Variants in TNFSF4 observed in about 807,000 individuals in gnomAD.
TNFSF4 encodes the protein tumor necrosis factor ligand superfamily member 4.
Under a neutral mutation model 7.3 loss-of-function variants are expected in TNFSF4, and 4 were observed. That is an observed-to-expected ratio of 0.55 (90% CI 0.27 to 1.25). The LOEUF (loss-of-function observed/expected upper bound fraction) is 1.25. Among genes scored for constraint, TNFSF4 ranks in the 50% most tolerant of loss-of-function variants. The probability of loss-of-function intolerance (pLI) is 0.12; values close to 1 mark genes in which losing one functional copy is unlikely to be tolerated. For synonymous variants in TNFSF4, 76 were observed against 83.7 expected (o/e 0.91, Z 0.50); for missense variants, 181 against 208.8 (o/e 0.87, Z 0.82).
chr1:173,257,567 C>A, the TNFSF4 span, among the ~76,000 whole-genome samples: 55 of 152,288 alleles, frequency 3.6e-4, no homozygotes, highest in African/African-American at 1.2e-3. Flanking sequence ...GCACAATTTG[C>A]AGAACTCACA....
At chr1:173,394,946 A>G in the TNFSF4 span, among the ~76,000 whole-genome samples, 2 of 142,130 alleles carry the variant, frequency 1.4e-5, no homozygotes, top group Admixed American at 6.8e-5. Context: ...AGATAGATAG[A>G]CAGACAGACA....
chr1:173,376,386 C>T, the TNFSF4 span, among the ~76,000 whole-genome samples: 2 of 152,072 alleles, frequency 1.3e-5, no homozygotes, highest in African/African-American at 4.8e-5. Flanking sequence ...GGGAGTTGAA[C>T]AATGAGAACA....
chr1:173,268,549 G>A, the TNFSF4 span, among the ~76,000 whole-genome samples: 1 of 151,992 alleles, frequency 6.6e-6, no homozygotes, highest in African/African-American at 2.4e-5. Flanking sequence ...AATCAAAGAT[G>A]TTATAAATAA....
At chr1:173,236,957 A>G in the TNFSF4 span, among the ~76,000 whole-genome samples, 2 of 152,158 alleles carry the variant, frequency 1.3e-5, no homozygotes, top group African/African-American at 4.8e-5. Flanking sequence ...TTGAATTGTA[A>G]TAATCCCCAC....
At chr1:173,211,486 T>C (rs185258202), upstream of TNFSF4, among the ~76,000 whole-genome samples, 170 of 152,254 alleles carry the variant, frequency 1.1e-3, no homozygotes, top group Non-Finnish European at 2.0e-3. Context: ...CAAACTCTTA[T>C]TACTCCTCAC....
the TNFSF4 span, among the ~76,000 whole-genome samples, chr1:173,437,728 A>C: frequency 6.6e-6 from 1 of 152,006 alleles, no homozygotes; most frequent in African/African-American, 2.4e-5. Flanking sequence ...ATATGTGGTC[A>C]CTCTATTCTG....
At chr1:173,449,205 T>C in the TNFSF4 span, among the ~76,000 whole-genome samples, 1 of 152,214 alleles carries the variant, frequency 6.6e-6, no homozygotes, top group East Asian at 1.9e-4. Context: ...TGGCTTCACC[T>C]GCCATGATTG....
chr1:173,254,825 T>C, the TNFSF4 span, among the ~76,000 whole-genome samples: 3 of 152,164 alleles, frequency 2.0e-5, no homozygotes, highest in African/African-American at 7.2e-5. Flanking sequence ...AAAGAGGAAC[T>C]GCCTGCAACA....
At chr1:173,226,540 C>T in the TNFSF4 span, among the ~76,000 whole-genome samples, 1 of 152,212 alleles carries the variant, frequency 6.6e-6, no homozygotes, top group African/African-American at 2.4e-5. Flanking sequence ...GAGATATAAA[C>T]TTCTTTCATC....
the TNFSF4 span, among the ~76,000 whole-genome samples, chr1:173,370,780 G>A: frequency 6.7e-6 from 1 of 149,452 alleles, no homozygotes; most frequent in Non-Finnish European, 1.5e-5. Context: ...AGTGAGATCA[G>A]AGAAAGGCCC....
chr1:173,395,429 GAGAGAGAAAATTTT>G, the TNFSF4 span, among the ~76,000 whole-genome samples: 1 of 127,272 alleles, frequency 7.9e-6, no homozygotes, highest in Admixed American at 8.1e-5. Context: ...TGGAGAGAGA[GAGAGAGAAAATTTT>G]GGGAAAACTG....
At chr1:173,305,838 G>A in the TNFSF4 span, among the ~76,000 whole-genome samples, 1 of 151,768 alleles carries the variant, frequency 6.6e-6, no homozygotes, top group African/African-American at 2.4e-5. Context: ...TAGCATGGAG[G>A]AAACTGCCTC....
the TNFSF4 span, among the ~76,000 whole-genome samples, chr1:173,349,057 C>A: frequency 1.3e-5 from 2 of 152,062 alleles, no homozygotes; most frequent in Admixed American, 1.3e-4. Flanking sequence ...TAGACGGAGT[C>A]TCCCTCTCTC....
chr1:173,298,712 G>T, the TNFSF4 span, among the ~76,000 whole-genome samples: 1 of 151,860 alleles, frequency 6.6e-6, no homozygotes, highest in African/African-American at 2.4e-5. Context: ...CAAGCATTTT[G>T]TTTGTTACTG....
the TNFSF4 span, among the ~76,000 whole-genome samples, chr1:173,275,311 T>C: frequency 1.3e-5 from 2 of 152,084 alleles, no homozygotes; most frequent in South Asian, 2.1e-4. Context: ...CAAGCAAACC[T>C]GCCCAAACTT....
the TNFSF4 span, among the ~76,000 whole-genome samples, chr1:173,325,018 G>T: frequency 4.6e-5 from 7 of 152,242 alleles, no homozygotes; most frequent in East Asian, 3.9e-4. Context: ...GCGGACCTAA[G>T]AGACATCTAC....
chr1:173,175,446 C>G, the TNFSF4 span: 1 of 152,288 alleles, frequency 6.6e-6, no homozygotes, highest in Non-Finnish European at 1.5e-5. Context: ...TAATAAATCT[C>G]TAGTGTAAAT....
chr1:173,311,945 A>C, the TNFSF4 span, among the ~76,000 whole-genome samples: 3 of 152,264 alleles, frequency 2.0e-5, no homozygotes, highest in South Asian at 6.2e-4. Context: ...GCATCCTTGA[A>C]TTAGCAATGT....
the TNFSF4 span, among the ~76,000 whole-genome samples, chr1:173,368,025 C>T: frequency 6.6e-6 from 1 of 152,152 alleles, no homozygotes; most frequent in African/African-American, 2.4e-5. Flanking sequence ...TAAAATGCAT[C>T]AATCAGTGCT....
Sources: allele counts gnomAD v4.1 joint callset (sites outside exome capture counted in the v4.1 genomes callset), GRCh38; gene constraint gnomAD v4.1.1; transcripts MANE v1.5; gene names NCBI Gene and HGNC (gene_info 2026-07-23, HGNC 2026-07-21).